Variants in FBXL17 observed in about 807,000 individuals in gnomAD.
FBXL17 encodes F-box and leucine rich repeat protein 17.
A neutral mutation model predicts 66.2 loss-of-function variants in FBXL17; 22 were observed. The observed-to-expected ratio is 0.33, with a 90% CI of 0.24 to 0.47. The LOEUF is 0.47. Among genes scored for constraint, FBXL17 ranks in the 20% least tolerant of loss-of-function variants. The probability of loss-of-function intolerance (pLI) is 1.00; values close to 1 mark genes in which losing one functional copy is unlikely to be tolerated. For synonymous variants in FBXL17, 474 were observed against 400.5 expected, an observed-to-expected ratio of 1.18 and a Z score of -2.19; for missense variants, 878 against 948.2, an observed-to-expected ratio of 0.93 and a Z score of 0.97.
chr5:107,918,677 C>T (rs191093253), intron 7 of FBXL17, among the ~76,000 whole-genome samples: 26 of 152,094 alleles, frequency 1.7e-4, no homozygotes, highest in African/African-American at 6.3e-4. Flanking sequence ...AAATAGTTAC[C>T]TTACTGATAA....
intron 1 of FBXL17, among the ~76,000 whole-genome samples, chr5:108,378,691 G>A (rs747142082): frequency 6.6e-6 from 1 of 152,098 alleles, no homozygotes; most frequent in African/African-American, 2.4e-5. Context: ...GTGGTGTGGC[G>A]TATTCACCCT....
intron 8 of FBXL17, among the ~76,000 whole-genome samples, chr5:107,876,661 T>C (rs1748623100): frequency 6.6e-6 from 1 of 152,320 alleles, no homozygotes; most frequent in Middle Eastern, 3.4e-3. Flanking sequence ...CCAAACATTT[T>C]TCATTAACCT....
intron 6 of FBXL17, among the ~76,000 whole-genome samples, chr5:108,114,847 G>A (rs1332289852): frequency 6.6e-6 from 1 of 152,148 alleles, no homozygotes; most frequent in Non-Finnish European, 1.5e-5. Flanking sequence ...TTGCTCTCAA[G>A]CTGCTGGATA....
chr5:108,343,362 C>T (rs1309337741), intron 4 of FBXL17, among the ~76,000 whole-genome samples: 1 of 152,150 alleles, frequency 6.6e-6, no homozygotes, highest in Non-Finnish European at 1.5e-5. Flanking sequence ...GGAAAGAACA[C>T]TGAAGGCGAG....
At chr5:107,928,756 C>A (rs978729989) in intron 7 of FBXL17, among the ~76,000 whole-genome samples, 1 of 152,068 alleles carries the variant, frequency 6.6e-6, no homozygotes, top group Non-Finnish European at 1.5e-5. Flanking sequence ...CTTTTGAGTC[C>A]TAGTCTTTCA....
chr5:108,033,441 G>A (rs1284773960), intron 6 of FBXL17, among the ~76,000 whole-genome samples: 1 of 151,832 alleles, frequency 6.6e-6, no homozygotes, highest in African/African-American at 2.4e-5. Flanking sequence ...TGTCTACCTC[G>A]AACCCCTAAC....
At chr5:107,967,019 T>C (rs1752169543) in intron 7 of FBXL17, among the ~76,000 whole-genome samples, 1 of 152,084 alleles carries the variant, frequency 6.6e-6, no homozygotes, top group South Asian at 2.1e-4. Flanking sequence ...CCTGGAATGA[T>C]TAAGTAACTT....
intron 6 of FBXL17, among the ~76,000 whole-genome samples, chr5:108,064,801 C>T (rs1748054996): frequency 6.6e-6 from 1 of 152,144 alleles, no homozygotes; most frequent in African/African-American, 2.4e-5. Flanking sequence ...CTCACAGTTC[C>T]TAGGCTAAAC....
At chr5:108,260,002 G>T (rs1220381305) in intron 4 of FBXL17, among the ~76,000 whole-genome samples, 2 of 142,648 alleles carry the variant, frequency 1.4e-5, no homozygotes, top group Admixed American at 1.5e-4. Flanking sequence ...CTTAGTGAGA[G>T]AAATAGTTAT....
chr5:108,052,112 C>CAAAAAAA (rs144705189), intron 6 of FBXL17, among the ~76,000 whole-genome samples: 349 of 101,282 alleles, frequency 3.4e-3, no homozygotes, highest in Non-Finnish European at 4.2e-3. Flanking sequence ...GACTTCGTCT[C>CAAAAAAA]AAAAAAAAAA....
At chr5:107,929,560 A>C (rs940959172) in intron 7 of FBXL17, among the ~76,000 whole-genome samples, 3 of 152,192 alleles carry the variant, frequency 2.0e-5, no homozygotes, top group Non-Finnish European at 2.9e-5. Flanking sequence ...TAAAAGCTTC[A>C]GGTTTACTCT....
chr5:108,270,436 ATAAT>A (rs70996989), intron 4 of FBXL17, among the ~76,000 whole-genome samples: 41,095 of 148,626 alleles, frequency 0.28, 6,208 homozygotes, highest in Middle Eastern at 0.37. Context: ...AATTATATTT[ATAAT>A]TAAATATAAT....
intron 3 of FBXL17, among the ~76,000 whole-genome samples, chr5:108,358,211 A>G (rs1417762004): frequency 6.6e-6 from 1 of 152,120 alleles, no homozygotes; most frequent in East Asian, 1.9e-4. Flanking sequence ...CTTTCAGCAC[A>G]ATGTAAAACA....
At chr5:108,284,904 T>C (rs1028413516) in intron 4 of FBXL17, among the ~76,000 whole-genome samples, 5 of 151,820 alleles carry the variant, frequency 3.3e-5, no homozygotes, top group Non-Finnish European at 7.4e-5. Flanking sequence ...CATGAAAGAT[T>C]TCTCTGTAGC....
At chr5:108,182,004 A>G (rs564956486) in intron 6 of FBXL17, among the ~76,000 whole-genome samples, 33 of 152,164 alleles carry the variant, frequency 2.2e-4, no homozygotes, top group Non-Finnish European at 4.4e-4. Context: ...GACGTTGAAG[A>G]GATTAAATGA....
intron 8 of FBXL17, among the ~76,000 whole-genome samples, chr5:107,873,191 A>G (rs1021632239): frequency 5.3e-5 from 8 of 152,272 alleles, no homozygotes; most frequent in Non-Finnish European, 1.2e-4. Flanking sequence ...TGTAGGATCA[A>G]AGTGAGGCTC....
chr5:107,896,554 C>T (rs1749389715), intron 7 of FBXL17, among the ~76,000 whole-genome samples: 1 of 152,140 alleles, frequency 6.6e-6, no homozygotes, highest in South Asian at 2.1e-4. Context: ...AAAAAGTGAT[C>T]TCTTGCAGTT....
chr5:108,323,941 T>C (rs1759736922), intron 4 of FBXL17, among the ~76,000 whole-genome samples: 1 of 151,912 alleles, frequency 6.6e-6, no homozygotes, highest in South Asian at 2.1e-4. Context: ...TACCTAAAAA[T>C]GAACGGAAGA....
At chr5:108,258,839 T>C (rs1033746468) in intron 4 of FBXL17, among the ~76,000 whole-genome samples, 2 of 150,752 alleles carry the variant, frequency 1.3e-5, no homozygotes, top group African/African-American at 2.5e-5. Context: ...ATTGCTGAAG[T>C]GATAACACAC....
Sources: allele counts gnomAD v4.1 joint callset (sites outside exome capture counted in the v4.1 genomes callset), GRCh38; gene constraint gnomAD v4.1.1; transcripts MANE v1.5; gene names NCBI Gene and HGNC (gene_info 2026-07-23, HGNC 2026-07-21).